Variants in C1orf146 observed in about 807,000 individuals in gnomAD.
C1orf146 encodes the protein protein SPO16 homolog.
C1orf146 carries 22 observed loss-of-function variants against 23.0 expected under a neutral mutation model. That is an observed-to-expected ratio of 0.96 (90% CI 0.68 to 1.36). The LOEUF is 1.36. Among genes scored for constraint, C1orf146 ranks in the 40% most tolerant of loss-of-function variants. The pLI is 0.00. For synonymous variants in C1orf146, 59 were observed against 65.3 expected (o/e 0.90, Z 0.47); for missense variants, 199 against 206.8 (o/e 0.96, Z 0.23).
rs890442819 is a variant in C1orf146, at chr1:92,218,035, G to A, written c.-53G>A. The A allele has an allele frequency of 9.2e-5, 14 of 152,330 alleles. No homozygotes were observed. The highest frequency in any genetic ancestry group is 3.4e-4 in the African/African-American group (14 of 41,472). The allele number at this position is 152,330 out of a possible 1,614,324, so 9.4% of individuals were successfully genotyped here. On this transcript the variant is annotated 5_prime_UTR_variant, in exon 1 of 6. Transcript: ENST00000370375. ...TGGGAAACCCTGAGCGGTCTCTGAG[G>A]ACCTGGTGAGCAGGTGGGTTTGCAG...
At chr1:92,222,655 T>G (rs953079642) in intron 1 of C1orf146, among the ~76,000 whole-genome samples, 1 of 150,854 alleles carries the variant, frequency 6.6e-6, no homozygotes, top group South Asian at 2.1e-4. Flanking sequence ...GGCGCCATCT[T>G]GGCTCACTGC....
intron 2 of C1orf146, among the ~76,000 whole-genome samples, chr1:92,239,122 C>T (rs1227253200): frequency 3.3e-5 from 5 of 152,124 alleles, no homozygotes; most frequent in African/African-American, 4.8e-5. Flanking sequence ...AACATATCTT[C>T]TAGTTCTTTG....
chr1:92,229,030 G>A, intron 1 of C1orf146: 1 of 479,346 alleles, frequency 2.1e-6, no homozygotes, highest in Admixed American at 2.5e-5. Context: ...CATTTGTGGT[G>A]AACAGTGGAG....
Position 92,231,458 on chromosome 1 carries a change from C to T in C1orf146, c.38C>T (p.Thr13Ile), listed in dbSNP as rs140931498. 4.3e-6 allele frequency: 7 copies of T among 1,610,862 alleles called. No homozygotes were observed. Among genetic ancestry groups the T allele is most frequent in the Non-Finnish European group, 5.9e-6 (7 of 1,178,860 alleles). Residue 13 changes from threonine to isoleucine, a missense_variant, in exon 2 of 6, where the codon ACC becomes ATC. Physicochemically the swap from Thr to Ile is moderately conservative, Grantham distance 89. Transcript: ENST00000370375. The part of the protein sequence containing the change: ...ESGKEKIKWT[T>I]TIIISSSLKS... ...GGAAAAGAAAAAATAAAATGGACAA[C>T]CACCATTATTATTAGCTCATCTCTT...
At chr1:92,231,223 T>C (rs1158344290) in intron 1 of C1orf146, among the ~76,000 whole-genome samples, 159 bp from the exon 2 acceptor site, 1 of 152,244 alleles carries the variant, frequency 6.6e-6, no homozygotes, top group East Asian at 1.9e-4. Context: ...TAGTATTGAA[T>C]AGGCTAAATG....
At chr1:92,226,463 T>C (rs1270623119) in intron 1 of C1orf146, among the ~76,000 whole-genome samples, 2 of 152,124 alleles carry the variant, frequency 1.3e-5, no homozygotes, top group Non-Finnish European at 2.9e-5. Flanking sequence ...CTGCTTTATA[T>C]ATTCATCTTT....
intron 2 of C1orf146, among the ~76,000 whole-genome samples, chr1:92,236,046 G>A (rs1652268192): frequency 6.6e-6 from 1 of 152,054 alleles, no homozygotes; most frequent in Non-Finnish European, 1.5e-5. Context: ...CACACCGATG[G>A]GTCTTGACTC....
intron 1 of C1orf146, among the ~76,000 whole-genome samples, chr1:92,230,487 G>A (rs188232023): frequency 1.3e-5 from 2 of 152,014 alleles, no homozygotes; most frequent in East Asian, 3.9e-4. Flanking sequence ...GTGGTGGGGG[G>A]CGCCTGTGTT....
intron 1 of C1orf146, among the ~76,000 whole-genome samples, chr1:92,219,148 C>T (rs532467128): frequency 6.6e-6 from 1 of 152,276 alleles, no homozygotes; most frequent in African/African-American, 2.4e-5. Flanking sequence ...GTAACCTTTG[C>T]ATATATGTAT....
chr1:92,245,539 G>T lies in C1orf146; in HGVS notation c.409-1G>T. On this transcript the variant is annotated splice_acceptor_variant, in intron 5 of 5. Transcript: ENST00000370375. LOFTEE classifies it high-confidence loss of function. ...TGCTGCATCTTTATATCTTCTTCCA[G>T]ACTACCTCCAAACCATACATAGATA... 2 of 1,586,862 alleles carry T rather than the reference G, an allele frequency of 1.3e-6. No homozygotes were observed. Among genetic ancestry groups the T allele is most frequent in the South Asian group, 1.2e-5 (1 of 85,788 alleles).
intron 1 of C1orf146, among the ~76,000 whole-genome samples, chr1:92,224,142 C>T (rs1377232733): frequency 6.6e-6 from 1 of 151,662 alleles, no homozygotes; most frequent in Non-Finnish European, 1.5e-5. Context: ...GCTCCTCCTC[C>T]CAGGGTCACA....
intron 1 of C1orf146, among the ~76,000 whole-genome samples, chr1:92,228,815 C>T (rs2100733205): frequency 6.6e-6 from 1 of 152,316 alleles, no homozygotes; most frequent in South Asian, 2.1e-4. Context: ...GAACAGTTAA[C>T]TTGAATACAA....
chr1:92,231,735 C>T (rs1652126219), intron 2 of C1orf146, among the ~76,000 whole-genome samples: 1 of 151,080 alleles, frequency 6.6e-6, no homozygotes, highest in African/African-American at 2.4e-5. Context: ...CTTCTGTAAG[C>T]ACTCTAATAG....
chr1:92,242,501 A>T (rs1652456449), intron 3 of C1orf146, among the ~76,000 whole-genome samples, 196 bp downstream of exon 3: 1 of 152,224 alleles, frequency 6.6e-6, no homozygotes, highest in African/African-American at 2.4e-5. Flanking sequence ...TTGTTAAAAT[A>T]AAGCTGAACT....
At position 92,245,739 on chromosome 1, in the gene C1orf146, C is replaced by A; in HGVS notation, c.*65C>A. 3 of 953,586 alleles carry A rather than the reference C, an allele frequency of 3.1e-6. No homozygotes were observed. Among genetic ancestry groups the A allele is most frequent in the South Asian group, 3.8e-5 (2 of 52,184 alleles). 59.1% of individuals were successfully genotyped at this position (953,586 alleles called of 1,614,324 possible). On this transcript the variant is annotated 3_prime_UTR_variant, in exon 6 of 6. Coordinates refer to ENST00000370375, the MANE Select transcript of C1orf146 (RefSeq NM_001012425.2). Reference sequence around the variant, plus strand: ...ATTAGACCTGTTAAATTATAATATTCAAATATCTATTTAAAGACATTTATA... The same window carrying A: ...ATTAGACCTGTTAAATTATAATATTAAAATATCTATTTAAAGACATTTATA...
rs767226705 is a variant in C1orf146, at chr1:92,231,496, C to T, written c.66+10C>T. 2 of 1,578,468 alleles carry T rather than the reference C, an allele frequency of 1.3e-6. No homozygotes were observed. The highest frequency in any genetic ancestry group is 2.3e-5 in the East Asian group (1 of 44,242). Reference sequence around the variant, plus strand: ...TAGCTCATCTCTTAAGGTAAAGGGGCATTTGGGCCACTGATCTTTAACTTA... The same window carrying T: ...TAGCTCATCTCTTAAGGTAAAGGGGTATTTGGGCCACTGATCTTTAACTTA... On this transcript the variant is annotated intron_variant, in intron 2 of 5. Coordinates refer to ENST00000370375, the MANE Select transcript of C1orf146 (RefSeq NM_001012425.2).
rs555793575 is a variant in C1orf146 at position 92,224,960 on chromosome 1, C to T, written c.-39-6422C>T. Reference sequence around the variant, plus strand: ...GTTTCACCATGTTGGCTAGGTTGGTCTCCATCTCTTGACCTCGTGATTTGC... The same window carrying T: ...GTTTCACCATGTTGGCTAGGTTGGTTTCCATCTCTTGACCTCGTGATTTGC... On this transcript the variant is annotated intron_variant, in intron 1 of 5. Coordinates refer to ENST00000370375, the MANE Select transcript of C1orf146 (RefSeq NM_001012425.2). Among the ~76,000 whole-genome samples, 10 of 152,188 alleles carry T rather than the reference C, an allele frequency of 6.6e-5. No homozygotes were observed. In the East Asian group the frequency reaches 7.8e-4, roughly 12 times the overall value.
chr1:92,220,475 C>T (rs1651793668), intron 1 of C1orf146, among the ~76,000 whole-genome samples: 1 of 152,110 alleles, frequency 6.6e-6, no homozygotes, highest in Admixed American at 6.6e-5. Flanking sequence ...GACATCTAGG[C>T]TATATGGTAT....
chr1:92,221,834 A>G (rs1651824007), intron 1 of C1orf146, among the ~76,000 whole-genome samples: 1 of 152,228 alleles, frequency 6.6e-6, no homozygotes, highest in Admixed American at 6.5e-5. Flanking sequence ...ACCATAGGAA[A>G]TATTTTAAGT....
Sources: gnomAD v4.1 joint callset for allele counts (sites outside exome capture counted in the v4.1 genomes callset) on GRCh38, gnomAD v4.1.1 for gene constraint, MANE v1.5 for transcripts, NCBI Gene and HGNC (gene_info 2026-07-23, HGNC 2026-07-21) for gene names.